SIPA1L3: variants seen among roughly 807,000 people sequenced by gnomAD.
SIPA1L3 encodes signal-induced proliferation-associated 1-like protein 3.
Under a neutral mutation model 150.1 loss-of-function variants are expected in SIPA1L3, and 59 were observed. That is an observed-to-expected ratio of 0.39 (90% CI 0.32 to 0.49). The LOEUF is 0.49. Among genes scored for constraint, SIPA1L3 ranks in the 20% least tolerant of loss-of-function variants. The pLI is 0.86. For synonymous variants in SIPA1L3, 1,070 were observed against 1,077.6 expected (o/e 0.99, Z 0.14); for missense variants, 2,211 against 2,489.5 (o/e 0.89, Z 2.38).
At chr19:38,039,308 G>A (rs975770666) in intron 2 of SIPA1L3, among the ~76,000 whole-genome samples, 3 of 145,924 alleles carry the variant, frequency 2.1e-5, no homozygotes, top group African/African-American at 5.1e-5. Context: ...TTCAACACTT[G>A]TACCTAAAAA....
At chr19:38,193,424 A>T (rs1010046204) in intron 17 of SIPA1L3, 113 bp from the exon 18 acceptor site, 22 of 1,247,332 alleles carry the variant, frequency 1.8e-5, no homozygotes, top group Non-Finnish European at 2.0e-5. Context: ...GCAGAAATGG[A>T]TGCTGGGTAG....
At chr19:38,079,075 G>C (rs895408793) in intron 2 of SIPA1L3, among the ~76,000 whole-genome samples, 1 of 152,208 alleles carries the variant, frequency 6.6e-6, no homozygotes, top group Admixed American at 6.5e-5. Flanking sequence ...GCTCACGCCT[G>C]TAATCCCAGC....
At chr19:38,037,144 G>T (rs1416081965) in intron 2 of SIPA1L3, among the ~76,000 whole-genome samples, 1 of 152,186 alleles carries the variant, frequency 6.6e-6, no homozygotes, top group African/African-American at 2.4e-5. Context: ...TAGTTTAGTG[G>T]TGGAAACAGA....
intron 1 of SIPA1L3, among the ~76,000 whole-genome samples, chr19:37,996,754 G>A (rs1057404861): frequency 6.6e-6 from 1 of 151,996 alleles, no homozygotes; most frequent in African/African-American, 2.4e-5. Context: ...GTAGTGCAGT[G>A]GTGCCATCTC....
At position 38,141,303 on chromosome 19, in the gene SIPA1L3, C is replaced by T; in HGVS notation, c.3263C>T (p.Ala1088Val). ...GCTCCCTGGCAGTGGAGCGGGCCCGCATCCCATAACTCTCTACCAGCCTCC... is the reference window on the plus strand; with the variant it reads ...GCTCCCTGGCAGTGGAGCGGGCCCGTATCCCATAACTCTCTACCAGCCTCC... The part of the protein sequence containing the change: ...SNAPWQWSGP[A>V]SHNSLPASKW... The change falls in exon 11 of 22, where the codon GCA becomes GTA. Residue 1088 changes from alanine (A) to valine (V), a missense_variant. Ala to Val is a moderately conservative substitution (Grantham distance 64). This residue lies in a region of SIPA1L3 where 806 missense variants were observed against 870.1 expected (regional missense o/e 0.93). Transcript: ENST00000222345. The T allele has an allele frequency of 1.9e-6, 3 of 1,614,016 alleles. No homozygotes were observed. Among genetic ancestry groups the T allele is most frequent in the Non-Finnish European group, 2.5e-6 (3 of 1,179,968 alleles).
intron 14 of SIPA1L3, among the ~76,000 whole-genome samples, chr19:38,163,489 CA>C (rs34366358): frequency 0.022 from 1,117 of 51,280 alleles, 2 homozygotes; most frequent in Non-Finnish European, 0.028. Context: ...GACTCTATCT[CA>C]AAAAAAAAAA....
chr19:38,146,056 G>A (rs1198820240), intron 12 of SIPA1L3, among the ~76,000 whole-genome samples: 1 of 152,156 alleles, frequency 6.6e-6, no homozygotes, highest in African/African-American at 2.4e-5. Flanking sequence ...TAGAGACAAG[G>A]TCTCGCTGTG....
intron 10 of SIPA1L3, among the ~76,000 whole-genome samples, chr19:38,140,848 A>T (rs1296420482): frequency 6.6e-6 from 1 of 152,038 alleles, no homozygotes; most frequent in Admixed American, 6.6e-5. Context: ...ACCTGAGGTC[A>T]GGAGTTCGAG....
chr19:38,127,154 T>G (rs996542822), intron 9 of SIPA1L3, among the ~76,000 whole-genome samples: 2 of 152,122 alleles, frequency 1.3e-5, no homozygotes, highest in African/African-American at 4.8e-5. Context: ...ATTGTGCCAT[T>G]GCACTCCAGC....
intron 1 of SIPA1L3, among the ~76,000 whole-genome samples, chr19:37,983,949 A>C (rs1555773926): frequency 6.6e-6 from 1 of 151,792 alleles, no homozygotes; most frequent in Non-Finnish European, 1.5e-5. Context: ...CTGATGAGGA[A>C]TTGTAACTGT....
chr19:38,086,674 C>A (rs1263400359), intron 3 of SIPA1L3, among the ~76,000 whole-genome samples: 1 of 152,144 alleles, frequency 6.6e-6, no homozygotes, highest in Non-Finnish European at 1.5e-5. Flanking sequence ...CACAGCAATA[C>A]CCTGTCTCAA....
At chr19:38,171,575 T>C (rs1972328970) in intron 15 of SIPA1L3, among the ~76,000 whole-genome samples, 2 of 151,656 alleles carry the variant, frequency 1.3e-5, no homozygotes, top group South Asian at 4.2e-4. Context: ...GTATTTATAG[T>C]AGAGACAGGG....
intron 10 of SIPA1L3, among the ~76,000 whole-genome samples, chr19:38,140,151 G>A (rs548954009): frequency 2.6e-5 from 4 of 152,362 alleles, no homozygotes; most frequent in South Asian, 4.1e-4. Flanking sequence ...GGATCAGCTC[G>A]ATGGGGGTAT....
intron 16 of SIPA1L3, among the ~76,000 whole-genome samples, chr19:38,190,493 A>G (rs1357430530): frequency 6.6e-6 from 1 of 152,202 alleles, no homozygotes; most frequent in African/African-American, 2.4e-5. Flanking sequence ...TGACCAGGAA[A>G]AAACCTGGCC....
At chr19:37,946,872 G>T (rs540372472) in intron 1 of SIPA1L3, among the ~76,000 whole-genome samples, 2 of 152,114 alleles carry the variant, frequency 1.3e-5, no homozygotes, top group East Asian at 3.9e-4. Flanking sequence ...ATTTATTTTG[G>T]AATTGGTTGT....
intron 9 of SIPA1L3, among the ~76,000 whole-genome samples, chr19:38,123,737 A>G (rs1298060430): frequency 6.6e-6 from 1 of 152,022 alleles, no homozygotes; most frequent in East Asian, 1.9e-4. Context: ...TATTCCACAA[A>G]ACCGCCATTG....
intron 1 of SIPA1L3, among the ~76,000 whole-genome samples, chr19:37,955,088 CA>C (rs34802797): frequency 9.1e-3 from 413 of 45,422 alleles, no homozygotes; most frequent in Middle Eastern, 0.034. Flanking sequence ...TGCTGTCTCT[CA>C]AAAAAAAAAA....
chr19:38,083,266 AC>A (rs1433859606), intron 3 of SIPA1L3, among the ~76,000 whole-genome samples, 167 bp downstream of exon 3: 1 of 152,010 alleles, frequency 6.6e-6, no homozygotes, highest in African/African-American at 2.4e-5. Context: ...GAGCAGAGCC[AC>A]CCGGGCCTCA....
intron 13 of SIPA1L3, among the ~76,000 whole-genome samples, chr19:38,156,780 ACG>A (rs1460541437): frequency 1.3e-5 from 2 of 152,160 alleles, no homozygotes; most frequent in Non-Finnish European, 2.9e-5. Context: ...AGCTGAGATC[ACG>A]CATTGCACTC....
Sources: gnomAD v4.1 joint callset for allele counts (sites outside exome capture counted in the v4.1 genomes callset) on GRCh38, gnomAD v4.1.1 for gene constraint, gnomAD v4.1.1 regional missense constraint, MANE v1.5 for transcripts, NCBI Gene and HGNC (gene_info 2026-07-23, HGNC 2026-07-21) for gene names.